The following CDKAL1 variants were observed in gnomAD, a reference collection of about 807,000 sequenced individuals.
CDKAL1 encodes the protein threonylcarbamoyladenosine tRNA methylthiotransferase.
Under a neutral mutation model 68.2 loss-of-function variants are expected in CDKAL1, and 32 were observed. That is an observed-to-expected ratio of 0.47 (90% CI 0.35 to 0.63). CDKAL1 has a LOEUF of 0.63. Ranked by LOEUF, CDKAL1 falls within the 30% of genes least tolerant of loss-of-function variation. The pLI is 0.00. For missense variants in CDKAL1, 606 were observed against 696.7 expected (o/e 0.87, Z 1.47); for synonymous variants, 234 against 244.3 (o/e 0.96, Z 0.39).
chr6:20,647,588 A>G (rs911242232), intron 4 of CDKAL1, among the ~76,000 whole-genome samples: 1 of 152,192 alleles, frequency 6.6e-6, no homozygotes, highest in African/African-American at 2.4e-5. Flanking sequence ...AGTGTACAAG[A>G]ATTGTCTACA....
intron 11 of CDKAL1, among the ~76,000 whole-genome samples, chr6:21,051,241 C>T (rs1770520817): frequency 6.6e-6 from 1 of 152,060 alleles, no homozygotes; most frequent in South Asian, 2.1e-4. Context: ...CCTGTAATCT[C>T]GGCTACTTTG....
intron 11 of CDKAL1, among the ~76,000 whole-genome samples, chr6:21,062,047 T>C (rs1488628603): frequency 2.0e-5 from 3 of 152,242 alleles, no homozygotes; most frequent in African/African-American, 7.2e-5. Flanking sequence ...GTTTCTCTTT[T>C]GTCACTATGA....
At chr6:20,938,222 C>A (rs1328472104) in intron 9 of CDKAL1, among the ~76,000 whole-genome samples, 1 of 152,092 alleles carries the variant, frequency 6.6e-6, no homozygotes, top group East Asian at 1.9e-4. Context: ...AGTTTGACTC[C>A]TTTGTTCTCT....
At chr6:20,634,831 GC>G (rs1296038505) in intron 4 of CDKAL1, among the ~76,000 whole-genome samples, 1 of 152,024 alleles carries the variant, frequency 6.6e-6, no homozygotes, top group Non-Finnish European at 1.5e-5. Context: ...TACAAAATTA[GC>G]CAGGTATGGT....
chr6:20,872,768 A>G (rs72832388), intron 9 of CDKAL1, among the ~76,000 whole-genome samples: 1 of 152,344 alleles, frequency 6.6e-6, no homozygotes, highest in Non-Finnish European at 1.5e-5. Flanking sequence ...GAGACGAAAG[A>G]TTATTAAGGA....
intron 9 of CDKAL1, among the ~76,000 whole-genome samples, chr6:20,916,346 T>A (rs1762723502): frequency 6.6e-6 from 1 of 152,208 alleles, no homozygotes; most frequent in South Asian, 2.1e-4. Flanking sequence ...TTTTGCAACT[T>A]CTCTGTGAGT....
chr6:20,802,300 AAACAAC>A (rs1193956957), intron 8 of CDKAL1, among the ~76,000 whole-genome samples: 202 of 110,808 alleles, frequency 1.8e-3, no homozygotes, highest in African/African-American at 4.8e-3. Flanking sequence ...CCGTCTCAAA[AAACAAC>A]AACAACAACA....
intron 9 of CDKAL1, among the ~76,000 whole-genome samples, chr6:20,930,746 ATTTT>A (rs34094116): frequency 7.0e-6 from 1 of 142,302 alleles, no homozygotes; most frequent in Non-Finnish European, 1.5e-5. Context: ...TATTATGTGT[ATTTT>A]TTTTTTTTTT....
At chr6:20,663,629 A>G (rs1047423392) in intron 5 of CDKAL1, among the ~76,000 whole-genome samples, 5 of 152,062 alleles carry the variant, frequency 3.3e-5, no homozygotes, top group African/African-American at 1.2e-4. Flanking sequence ...ACTTACATAT[A>G]TTTTCTGCTC....
chr6:20,983,701 A>G (rs1766280171), intron 10 of CDKAL1, among the ~76,000 whole-genome samples: 1 of 152,248 alleles, frequency 6.6e-6, no homozygotes, highest in African/African-American at 2.4e-5. Context: ...AGCCTGGGCA[A>G]CAGAGCGAGA....
intron 9 of CDKAL1, among the ~76,000 whole-genome samples, chr6:20,886,385 A>C (rs1761067776): frequency 6.6e-6 from 1 of 152,206 alleles, no homozygotes. Context: ...TTTCTCTCCT[A>C]GGTATATGCT....
chr6:20,748,499 A>G (rs1372716736), intron 6 of CDKAL1, among the ~76,000 whole-genome samples: 1 of 126,974 alleles, frequency 7.9e-6, no homozygotes, highest in Non-Finnish European at 1.6e-5. Context: ...AGTTGTTGTG[A>G]TTGTGCCACT....
intron 9 of CDKAL1, among the ~76,000 whole-genome samples, chr6:20,921,965 G>C (rs762532716): frequency 6.6e-6 from 1 of 152,112 alleles, no homozygotes; most frequent in Non-Finnish European, 1.5e-5. Flanking sequence ...TTACTTTAGC[G>C]GCCTTAGTTT....
chr6:20,546,421 C>T lies in CDKAL1; in HGVS notation c.71C>T (p.Pro24Leu). ...ATCGTGTCTCAGGAAGATTCAAAAC[C>T]ACAAGATAGGCATTTTGTAAGAAAG... ...EDIVSQEDSK[P>L]QDRHFVRKDV... The change falls in exon 3 of 16, where the codon CCA becomes CTA. Residue 24 changes from proline (P) to leucine (L), a missense_variant. By Grantham distance (98) the Pro-to-Leu change is moderately conservative. Transcript: ENST00000274695. The T allele has an allele frequency of 6.2e-7, 1 of 1,613,898 alleles. No individual in the cohort carries two copies. Among genetic ancestry groups the T allele is most frequent in the African/African-American group, 1.3e-5 (1 of 75,016 alleles).
intron 5 of CDKAL1, among the ~76,000 whole-genome samples, chr6:20,696,595 A>G (rs1771117683): frequency 6.6e-6 from 1 of 152,322 alleles, no homozygotes; most frequent in South Asian, 2.1e-4. Flanking sequence ...AACTGTTTGT[A>G]TTTTTAATAG....
chr6:20,934,363 GC>G (rs1209298224), intron 9 of CDKAL1, among the ~76,000 whole-genome samples: 1 of 152,136 alleles, frequency 6.6e-6, no homozygotes, highest in Non-Finnish European at 1.5e-5. Flanking sequence ...TTAGCATGGT[GC>G]CCAGCACCTG....
At chr6:20,609,335 C>T (rs1160222198) in intron 4 of CDKAL1, among the ~76,000 whole-genome samples, 2 of 144,188 alleles carry the variant, frequency 1.4e-5, no homozygotes, top group Non-Finnish European at 3.0e-5. Context: ...TCCCTCCTCC[C>T]TCTCTTTTCC....
chr6:21,140,956 C>T (rs1385455079), intron 13 of CDKAL1, among the ~76,000 whole-genome samples: 4 of 152,104 alleles, frequency 2.6e-5, no homozygotes, highest in Non-Finnish European at 5.9e-5. Context: ...AAGCGGAAAC[C>T]CCTGATAAAC....
At chr6:20,570,012 C>A (rs1158498256) in intron 4 of CDKAL1, among the ~76,000 whole-genome samples, 1 of 151,982 alleles carries the variant, frequency 6.6e-6, no homozygotes, top group East Asian at 1.9e-4. Flanking sequence ...AAATAAGAGT[C>A]CATCATAAAG....
Sources: gnomAD v4.1 joint callset for allele counts (sites outside exome capture counted in the v4.1 genomes callset) on GRCh38, gnomAD v4.1.1 for gene constraint, MANE v1.5 for transcripts, NCBI Gene and HGNC (gene_info 2026-07-23, HGNC 2026-07-21) for gene names.